The following PCTP variants were observed in gnomAD, a reference collection of about 807,000 sequenced individuals.
PCTP encodes START domain-containing protein 2.
In PCTP, 27 loss-of-function variants were observed where a neutral mutation model predicts 31.0. That is an observed-to-expected ratio of 0.87 (90% CI 0.64 to 1.20). The LOEUF is 1.20. PCTP is among the 50% of genes most tolerant of loss of function. PCTP has a pLI of 0.00. For missense variants in PCTP, 287 were observed against 268.2 expected (o/e 1.07, Z -0.49); for synonymous variants, 108 against 101.2 (o/e 1.07, Z -0.40).
At chr17:55,790,703 C>G (rs1911931131) in intron 3 of PCTP, among the ~76,000 whole-genome samples, 1 of 151,268 alleles carries the variant, frequency 6.6e-6, no homozygotes, top group African/African-American at 2.4e-5. Context: ...TAGGAAGAAT[C>G]AATATCGTGA....
chr17:55,811,675 CG>C (rs1283156611), intron 3 of PCTP, among the ~76,000 whole-genome samples: 1 of 152,208 alleles, frequency 6.6e-6, no homozygotes, highest in Non-Finnish European at 1.5e-5. Context: ...GCTGGGATGT[CG>C]TCACTGTGGT....
In PCTP at chr17:55,776,164, CTCTGGAAGTGCCA is replaced by C; in HGVS notation, c.*65_*77del. The C allele has an allele frequency of 1.3e-6, 2 of 1,594,022 alleles. No homozygotes were observed. Among genetic ancestry groups the C allele is most frequent in the Non-Finnish European group, 1.7e-6 (2 of 1,170,182 alleles). On this transcript the variant is annotated 3_prime_UTR_variant, in exon 6 of 6. Transcript: ENST00000268896. Reference sequence around the variant, plus strand: ...CTCTGGAAGTGCAACCACCCAATGTCTCTGGAAGTGCCACCTGGAAGTGCCACCTGGAAGTGTC... The same window carrying C: ...CTCTGGAAGTGCAACCACCCAATGTCCCTGGAAGTGCCACCTGGAAGTGTC...
At chr17:55,802,049 A>G (rs901150340) in intron 3 of PCTP, among the ~76,000 whole-genome samples, 6 of 152,244 alleles carry the variant, frequency 3.9e-5, no homozygotes, top group Admixed American at 3.3e-4. Flanking sequence ...CACTGATCCC[A>G]CAGAAATACA....
At chr17:55,801,638 CAGAAAT>C (rs1320953681) in intron 3 of PCTP, among the ~76,000 whole-genome samples, 9 of 152,182 alleles carry the variant, frequency 5.9e-5, no homozygotes, top group African/African-American at 2.2e-4. Context: ...GATATTAAGT[CAGAAAT>C]AAATAAGTTA....
chr17:55,777,488 C>T, downstream of PCTP: 1 of 821,146 alleles, frequency 1.2e-6, no homozygotes, highest in Non-Finnish European at 1.5e-6. Context: ...AAACATAAAA[C>T]ATAATTTTGG....
At chr17:55,817,023 A>G (rs988168019) in intron 3 of PCTP, among the ~76,000 whole-genome samples, 24 of 152,234 alleles carry the variant, frequency 1.6e-4, no homozygotes, top group African/African-American at 5.3e-4. Flanking sequence ...GAAAGCTGCA[A>G]GAAAGATGGA....
chr17:55,771,273 G>C, intron 3 of PCTP, 88 bp downstream of exon 3: 2 of 1,022,630 alleles, frequency 2.0e-6, no homozygotes, highest in South Asian at 2.6e-5. Context: ...GGTAGAGCTG[G>C]TTTCTCAGCA....
intron 1 of PCTP, among the ~76,000 whole-genome samples, chr17:55,754,290 G>C (rs1256598936): frequency 2.6e-5 from 4 of 152,256 alleles, no homozygotes; most frequent in South Asian, 2.1e-4. Context: ...CTGTAAATAG[G>C]GGATCCCATG....
At chr17:55,826,728 G>A (rs953459011), downstream of PCTP, among the ~76,000 whole-genome samples, 2 of 152,300 alleles carry the variant, frequency 1.3e-5, no homozygotes, top group Middle Eastern at 3.4e-3. Flanking sequence ...CAATGGAAAC[G>A]ATGTAAGCCT....
chr17:55,843,090 T>G (rs1266474319), downstream of PCTP, among the ~76,000 whole-genome samples: 6 of 152,204 alleles, frequency 3.9e-5, no homozygotes, highest in Non-Finnish European at 8.8e-5. Flanking sequence ...CCAGTTCATC[T>G]TACAATGGTA....
intron 5 of PCTP, among the ~76,000 whole-genome samples, chr17:55,835,184 C>T (rs1378749648): frequency 4.6e-5 from 7 of 152,158 alleles, no homozygotes; most frequent in Non-Finnish European, 1.0e-4. Flanking sequence ...GAGCATGACC[C>T]ACCAGCACCT....
downstream of PCTP, among the ~76,000 whole-genome samples, chr17:55,845,887 G>GGTGTGTGTGT (rs34179575): frequency 0.032 from 4,632 of 142,998 alleles, 106 homozygotes; most frequent in South Asian, 0.047. Context: ...AGAGGGTTGG[G>GGTGTGTGTGT]GTGTGTGTGT....
chr17:55,841,268 A>G (rs926180309), intron 5 of PCTP, among the ~76,000 whole-genome samples: 1 of 152,198 alleles, frequency 6.6e-6, no homozygotes, highest in African/African-American at 2.4e-5. Flanking sequence ...AGACGGGTTC[A>G]CAGCTTGGAG....
chr17:55,809,933 G>A (rs1912695142), intron 3 of PCTP, among the ~76,000 whole-genome samples: 1 of 152,306 alleles, frequency 6.6e-6, no homozygotes, highest in South Asian at 2.1e-4. Flanking sequence ...AAACAAAACA[G>A]CAGAAAGGAC....
At chr17:55,839,855 G>A (rs1452089028) in intron 5 of PCTP, among the ~76,000 whole-genome samples, 1 of 139,776 alleles carries the variant, frequency 7.2e-6, no homozygotes, top group Non-Finnish European at 1.5e-5. Context: ...GGGAGGCGGA[G>A]CTTGCAGTGA....
At chr17:55,774,983 T>C in intron 5 of PCTP, 124 bp downstream of exon 5, 1 of 1,109,584 alleles carries the variant, frequency 9.0e-7, no homozygotes, top group East Asian at 2.4e-5. Context: ...GGCTCTTTTA[T>C]GAAGAGTTTG....
chr17:55,782,991 G>T (rs146127335), intron 2 of PCTP, among the ~76,000 whole-genome samples: 65 of 152,200 alleles, frequency 4.3e-4, no homozygotes, highest in Non-Finnish European at 7.5e-4. Context: ...TCTGCTGAAG[G>T]AATAAATGAA....
intron 3 of PCTP, among the ~76,000 whole-genome samples, chr17:55,803,442 C>A (rs1293662182): frequency 6.6e-6 from 1 of 152,188 alleles, no homozygotes; most frequent in Admixed American, 6.5e-5. Flanking sequence ...AGGCATCACA[C>A]TACTTGACTT....
At chr17:55,823,532 T>G (rs1905300631), downstream of PCTP, among the ~76,000 whole-genome samples, 1 of 152,190 alleles carries the variant, frequency 6.6e-6, no homozygotes, top group Admixed American at 6.5e-5. Context: ...TTTTATTCAC[T>G]GAAGAAGCAA....
Sources: allele counts gnomAD v4.1 joint callset (sites outside exome capture counted in the v4.1 genomes callset), GRCh38; gene constraint gnomAD v4.1.1; transcripts MANE v1.5; gene names NCBI Gene and HGNC (gene_info 2026-07-23, HGNC 2026-07-21).